The following SHANK2 variants were observed in gnomAD, a reference collection of about 807,000 sequenced individuals.
SHANK2 encodes the protein SH3 and multiple ankyrin repeat domains 2.
SHANK2 carries 43 observed loss-of-function variants against 133.7 expected under a neutral mutation model. The observed-to-expected ratio is 0.32, with a 90% CI of 0.25 to 0.41. The LOEUF is 0.41. Ranked by LOEUF, SHANK2 falls within the 10% of genes least tolerant of loss-of-function variation. SHANK2 has a pLI of 1.00. For synonymous variants in SHANK2, 1,017 were observed against 952.8 expected, an observed-to-expected ratio of 1.07 and a Z score of -1.24; for missense variants, 1,994 against 2,235.8, an observed-to-expected ratio of 0.89 and a Z score of 2.18.
intron 10 of SHANK2, among the ~76,000 whole-genome samples, chr11:70,934,218 C>T (rs1448899292): frequency 1.6e-5 from 2 of 124,816 alleles, no homozygotes; most frequent in African/African-American, 6.2e-5. Flanking sequence ...GGCAACAGAG[C>T]GGGACTGTGT....
At chr11:70,658,959 G>A (rs545261880) in intron 17 of SHANK2, among the ~76,000 whole-genome samples, 35 of 152,294 alleles carry the variant, frequency 2.3e-4, no homozygotes, top group African/African-American at 7.5e-4. Flanking sequence ...CACTCCCAAC[G>A]AGGACCATTC....
chr11:70,895,021 G>A lies in SHANK2; in HGVS notation c.1174+1480C>T, dbSNP rs138368226. On this transcript the variant is annotated intron_variant, in intron 11 of 25. Coordinates refer to ENST00000601538, the MANE Select transcript of SHANK2 (RefSeq NM_012309.5). Reference sequence around the variant, plus strand: ...ACATTAACTCATCAATCTCTATAACGCGCTCATGGAGGTGCTGAGGCAGCC... The same window carrying A: ...ACATTAACTCATCAATCTCTATAACACGCTCATGGAGGTGCTGAGGCAGCC... Among the ~76,000 whole-genome samples, 378 of 152,302 alleles carry A rather than the reference G, an allele frequency of 2.5e-3. 1 individual carries two copies. The highest frequency in any genetic ancestry group is 4.5e-3 in the Non-Finnish European group (307 of 68,026).
At chr11:70,742,305 A>G (rs1946545102) in intron 14 of SHANK2, among the ~76,000 whole-genome samples, 1 of 152,162 alleles carries the variant, frequency 6.6e-6, no homozygotes, top group African/African-American at 2.4e-5. Context: ...CTGGGAAGTC[A>G]CAGCTCTCCA....
At chr11:70,873,073 G>A (rs1555070510) in intron 11 of SHANK2, 5 of 471,264 alleles carry the variant, frequency 1.1e-5, no homozygotes, top group Admixed American at 4.7e-5. Context: ...CCCGGGTGGC[G>A]ACCCTCAGGA....
At chr11:70,916,399 A>G (rs1555079863) in intron 10 of SHANK2, among the ~76,000 whole-genome samples, 1 of 152,058 alleles carries the variant, frequency 6.6e-6, no homozygotes, top group African/African-American at 2.4e-5. Flanking sequence ...ATGGCCACAC[A>G]GTGGACAGAG....
chr11:70,814,549 G>A (rs535109044), intron 12 of SHANK2, among the ~76,000 whole-genome samples: 11 of 152,284 alleles, frequency 7.2e-5, no homozygotes, highest in East Asian at 1.9e-4. Flanking sequence ...CATTTCATCC[G>A]CCTGAAACCC....
At position 70,485,277 on chromosome 11, in the gene SHANK2, G is replaced by T; in HGVS notation, c.4979+37C>A. On this transcript the variant is annotated intron_variant, in intron 25 of 25. Transcript: ENST00000601538. The surrounding 1 kb of genome is among the most constrained non-coding windows in gnomAD (Gnocchi z 5.8). ...TTCCTGGTCAGCAGGGACAGTGCAC[G>T]CAGAGCGGTGTGCATGTGCACCAAC... 6.4e-7 allele frequency: 1 copy of T among 1,555,230 alleles called. No homozygotes were observed. The highest frequency in any genetic ancestry group is 1.1e-5 in the South Asian group (1 of 89,912).
chr11:70,648,682 C>T (rs181910483), intron 17 of SHANK2, among the ~76,000 whole-genome samples: 241 of 152,246 alleles, frequency 1.6e-3, no homozygotes, highest in African/African-American at 5.5e-3. Flanking sequence ...TGGCTTCTCA[C>T]GCTCTCTCTG....
At chr11:70,579,548 G>A (rs1399175206) in intron 17 of SHANK2, among the ~76,000 whole-genome samples, 1 of 152,218 alleles carries the variant, frequency 6.6e-6, no homozygotes, top group African/African-American at 2.4e-5. Context: ...GGCCTGGGCG[G>A]TGATGGCATG....
At chr11:70,632,182 C>A (rs1322126890) in intron 17 of SHANK2, among the ~76,000 whole-genome samples, 1 of 152,158 alleles carries the variant, frequency 6.6e-6, no homozygotes, top group Non-Finnish European at 1.5e-5. Flanking sequence ...AGTGCAGTGG[C>A]GCGATCTCGG....
At chr11:70,643,459 G>A (rs2061214701) in intron 17 of SHANK2, among the ~76,000 whole-genome samples, 1 of 151,772 alleles carries the variant, frequency 6.6e-6, no homozygotes. Flanking sequence ...AGCTCCTCAG[G>A]AGGCTGAGGC....
At chr11:70,838,933 C>A (rs1372221224) in intron 11 of SHANK2, among the ~76,000 whole-genome samples, 1 of 152,148 alleles carries the variant, frequency 6.6e-6, no homozygotes, top group African/African-American at 2.4e-5. Flanking sequence ...GGTGGGGGGC[C>A]CCTCTTCTGT....
At chr11:70,777,013 C>A (rs1335103902) in intron 14 of SHANK2, among the ~76,000 whole-genome samples, 1 of 140,982 alleles carries the variant, frequency 7.1e-6, no homozygotes, top group Non-Finnish European at 1.6e-5. Context: ...TCCAACCTAC[C>A]CACCTACCCA....
intron 17 of SHANK2, among the ~76,000 whole-genome samples, chr11:70,517,245 G>A (rs567687480): frequency 6.6e-6 from 1 of 152,194 alleles, no homozygotes; most frequent in Non-Finnish European, 1.5e-5. Flanking sequence ...TGCAGCAACC[G>A]GAATGCTTAT....
chr11:71,137,039 T>C (rs1391433920), intron 3 of SHANK2, among the ~76,000 whole-genome samples: 6 of 152,072 alleles, frequency 3.9e-5, no homozygotes, highest in Non-Finnish European at 7.4e-5. Context: ...ATTTTTGTAT[T>C]TTTAGTAGAG....
chr11:70,552,370 C>T (rs2059781101), intron 17 of SHANK2, among the ~76,000 whole-genome samples: 1 of 152,194 alleles, frequency 6.6e-6, no homozygotes, highest in Admixed American at 6.5e-5. Context: ...CTGGAACACT[C>T]GTGCACCAAG....
chr11:70,638,724 C>T (rs2061138647), intron 17 of SHANK2, among the ~76,000 whole-genome samples: 1 of 152,016 alleles, frequency 6.6e-6, no homozygotes, highest in African/African-American at 2.4e-5. Flanking sequence ...GTTGAGAGTC[C>T]AGCCGGGCAC....
chr11:70,630,438 G>A (rs1239824890), intron 17 of SHANK2, among the ~76,000 whole-genome samples: 15 of 152,220 alleles, frequency 9.9e-5, no homozygotes, highest in Admixed American at 9.8e-4. Context: ...GAAATTGTGT[G>A]TGATTTCAAG....
chr11:71,207,088 A>C (rs1954141096), intron 2 of SHANK2, among the ~76,000 whole-genome samples: 1 of 150,906 alleles, frequency 6.6e-6, no homozygotes, highest in African/African-American at 2.5e-5. Flanking sequence ...CCTGCCTCAA[A>C]ATAAAAAAAA....
Sources: gnomAD v4.1 joint callset for allele counts (sites outside exome capture counted in the v4.1 genomes callset) on GRCh38, gnomAD v4.1.1 for gene constraint, Gnocchi (gnomAD v3.1) non-coding constraint, MANE v1.5 for transcripts, NCBI Gene and HGNC (gene_info 2026-07-23, HGNC 2026-07-21) for gene names.